The following KIRREL2 variants were observed in gnomAD, a reference collection of about 807,000 sequenced individuals.
KIRREL2 encodes the protein kin of IRRE-like protein 2.
A neutral mutation model predicts 73.4 loss-of-function variants in KIRREL2; 56 were observed. That is an observed-to-expected ratio of 0.76 (90% CI 0.62 to 0.95). The LOEUF is 0.95. KIRREL2 is among the 40% of genes least tolerant of loss of function. The pLI is 0.00. For missense variants in KIRREL2, 896 were observed against 935.0 expected (o/e 0.96, Z 0.54); for synonymous variants, 407 against 404.0 (o/e 1.01, Z -0.09).
In KIRREL2 at chr19:35,858,602, C is replaced by T. The variant is rs1249548318; in HGVS notation, c.361+45C>T. The T allele has an allele frequency of 1.9e-6, 3 of 1,611,818 alleles. No individual in the cohort carries two copies. In the African/African-American group the frequency reaches 4.0e-5, roughly 22 times the overall value. Reference sequence around the variant, plus strand: ...GTCCCCTGGGAGCCCAAGAGGGCAGCCCGTACTAGCTGTGAGTAGCAGAGC... The same window carrying T: ...GTCCCCTGGGAGCCCAAGAGGGCAGTCCGTACTAGCTGTGAGTAGCAGAGC... On this transcript the variant is annotated intron_variant, in intron 3 of 14. Coordinates refer to ENST00000360202, the MANE Select transcript of KIRREL2 (RefSeq NM_199180.4).
chr19:35,857,352 G>T lies in KIRREL2; in HGVS notation c.69G>T (p.Ser23=). 6.2e-7 allele frequency: 1 copy of T among 1,612,494 alleles called. No individual in the cohort carries two copies. The highest frequency in any genetic ancestry group is 8.5e-7 in the Non-Finnish European group (1 of 1,180,022). ...TGCCCCGAACTCTCCTAGGCCCGTC[G>T]CCCCATTTCCTGCAACAGCCAGAGG... ...LFCFRGRAGP[S]PHFLQQPEDL... Residue 23 remains serine (S), a synonymous_variant, in exon 2 of 15, where the codon TCG becomes TCT. Transcript: ENST00000360202.
rs1335997487 is a variant in KIRREL2 at position 35,861,623 on chromosome 19, TC to T, written c.1275del (p.Ala426ProfsTer40). 2 of 1,613,284 alleles carry T rather than the reference TC, an allele frequency of 1.2e-6. No individual in the cohort carries two copies. The highest frequency in any genetic ancestry group is 1.7e-6 in the Non-Finnish European group (2 of 1,179,690). On this transcript the variant is annotated frameshift_variant, in exon 10 of 15. Coordinates refer to ENST00000360202, the MANE Select transcript of KIRREL2 (RefSeq NM_199180.4). LOFTEE classifies it high-confidence loss of function. The stretch of plus-strand genomic sequence containing the variant: ...GCCTCCAGTGTCTGGTTTTCGCCTC[TC>T]CCGCCCCAGATGCCGTGGTAAGGAA... The part of the protein sequence containing the change: ...ARLQCLVFAS[P>X]APDAVVWSWD...
intron 13 of KIRREL2, 38 bp downstream of exon 13, chr19:35,863,074 A>G: frequency 8.5e-7 from 1 of 1,172,040 alleles, no homozygotes; most frequent in Non-Finnish European, 1.2e-6. Flanking sequence ...CTGTGCCTCC[A>G]GACCTAAATA....
At position 35,862,431 on chromosome 19, in the gene KIRREL2, C is replaced by T. The variant is rs940902258; in HGVS notation, c.1511-62C>T. On this transcript the variant is annotated intron_variant, in intron 11 of 14. Transcript: ENST00000360202. ...AACCCAGGAATCCCAAACTCAATCC[C>T]TGAGCCCCCGCTTCCTGGTTCCCCC... 2.4e-6 allele frequency: 3 copies of T among 1,258,576 alleles called. No individual in the cohort carries two copies. The African/African-American group carries it at 4.4e-5, about 18-fold the overall frequency. 78.0% of individuals were successfully genotyped at this position (1,258,576 alleles called of 1,614,324 possible). A position where few individuals can be genotyped will look rare whatever the true frequency, so the allele number is the denominator to read the frequency against.
chr19:35,863,219 G>A (rs1973789715), intron 13 of KIRREL2, among the ~76,000 whole-genome samples, 183 bp downstream of exon 13: 1 of 152,142 alleles, frequency 6.6e-6, no homozygotes, highest in Non-Finnish European at 1.5e-5. Flanking sequence ...AGCCAGCCTG[G>A]ACAGCATAGC....
chr19:35,854,757 C>T (rs1973368009), upstream of KIRREL2, among the ~76,000 whole-genome samples: 1 of 137,406 alleles, frequency 7.3e-6, no homozygotes, highest in Non-Finnish European at 1.6e-5. Flanking sequence ...TTCTCTGTCT[C>T]TGTTCTCACC....
At position 35,866,433 on chromosome 19, in the gene KIRREL2, C is replaced by G. The variant is rs769239424; in HGVS notation, c.2068C>G (p.Pro690Ala). Residue 690 changes from proline (P) to alanine (A), a missense_variant, in exon 15 of 15, where the codon CCC becomes GCC. Pro to Ala is a conservative substitution (Grantham distance 27). Coordinates refer to ENST00000360202, the MANE Select transcript of KIRREL2 (RefSeq NM_199180.4). Reference protein sequence around the residue: ...GPPDLAPGTPPFPYAAFPTPS... With the variant: ...GPPDLAPGTPAFPYAAFPTPS... ...CCCAGATCTGGCCCCCGGGACTCCC[C>G]CCTTCCCATATGCTGCCTTCCCCAC... The G allele has an allele frequency of 2.5e-6, 4 of 1,606,694 alleles. No homozygotes were observed. The highest frequency in any genetic ancestry group is 1.7e-6 in the Non-Finnish European group (2 of 1,173,274).
At position 35,861,626 on chromosome 19, in the gene KIRREL2, C is replaced by T. The variant is rs188453521; in HGVS notation, c.1275C>T (p.Pro425=). Residue 425 remains proline (P), a synonymous_variant, in exon 10 of 15, where the codon CCC becomes CCT. Coordinates refer to ENST00000360202, the MANE Select transcript of KIRREL2 (RefSeq NM_199180.4). The part of the protein sequence containing the change: ...ARLQCLVFAS[P]APDAVVWSWD... ...TCCAGTGTCTGGTTTTCGCCTCTCC[C>T]GCCCCAGATGCCGTGGTAAGGAAAT... is the stretch of plus-strand genomic sequence containing the variant. 314 of 1,613,252 alleles carry T rather than the reference C, an allele frequency of 1.9e-4. 2 individuals carry two copies. The East Asian group carries it at 5.9e-3, about 30-fold the overall frequency.
At chr19:35,852,304 GTCTC>G (rs139954720), upstream of KIRREL2, among the ~76,000 whole-genome samples, 66 of 145,128 alleles carry the variant, frequency 4.5e-4, 1 homozygote, top group African/African-American at 1.3e-3. Context: ...CTCTCTCTCT[GTCTC>G]TCTCTCTCTC....
In KIRREL2 at chr19:35,864,644, C is replaced by G; in HGVS notation, c.1726-4C>G. 1 of 1,612,056 alleles carries G rather than the reference C, an allele frequency of 6.2e-7. No homozygotes were observed. The highest frequency in any genetic ancestry group is 1.1e-5 in the South Asian group (1 of 91,036). On this transcript the variant is annotated splice_polypyrimidine_tract_variant and splice_region_variant and intron_variant, in intron 13 of 14. Coordinates refer to ENST00000360202, the MANE Select transcript of KIRREL2 (RefSeq NM_199180.4). ...ATTCCCTCTCACTAAGTTCCCTACC[C>G]CAGGGCCCCATTGTGCACACTGACC...
At chr19:35,860,754 G>T in intron 7 of KIRREL2, 87 bp downstream of exon 7, 1 of 1,584,392 alleles carries the variant, frequency 6.3e-7, no homozygotes. Flanking sequence ...GGGCGGGGCC[G>T]GGAGAGCGAG....
chr19:35,866,180 G>A lies in KIRREL2; in HGVS notation c.1815G>A (p.Lys605=). The A allele has an allele frequency of 1.2e-6, 2 of 1,611,018 alleles. No homozygotes were observed. Among genetic ancestry groups the A allele is most frequent in the Non-Finnish European group, 1.7e-6 (2 of 1,179,212 alleles). Residue 605 remains lysine, a synonymous_variant, in exon 15 of 15, where the codon AAG becomes AAA. Transcript: ENST00000360202. ...AGGACCCAACCAACGGTTACTACAA[G>A]GTCCGAGGAGTCAGTGTGAGCCTGA... is the stretch of plus-strand genomic sequence containing the variant. ...ETKDPTNGYY[K]VRGVSVSLSL...
At chr19:35,853,837 ATTTTTTTT>A (rs759219505), upstream of KIRREL2, among the ~76,000 whole-genome samples, 1 of 69,438 alleles carries the variant, frequency 1.4e-5, no homozygotes, top group East Asian at 4.1e-4. Context: ...CACTCTGGCT[ATTTTTTTT>A]TTTTTTTTTT....
At chr19:35,858,146 C>A (rs550599144) in intron 2 of KIRREL2, among the ~76,000 whole-genome samples, 1 of 152,310 alleles carries the variant, frequency 6.6e-6, no homozygotes, top group East Asian at 1.9e-4. Context: ...AGCCCCCTCC[C>A]CCTCACTCCA....
chr19:35,864,537 C>A, intron 13 of KIRREL2, 111 bp from the exon 14 acceptor site: 2 of 794,986 alleles, frequency 2.5e-6, no homozygotes, highest in South Asian at 1.6e-5. Context: ...CTCTTGGGTG[C>A]TCTTACTCCC....
intron 2 of KIRREL2, 81 bp from the exon 3 acceptor site, chr19:35,858,327 G>C (rs1232387435): frequency 1.3e-6 from 2 of 1,523,266 alleles, no homozygotes; most frequent in Non-Finnish European, 1.8e-6. Context: ...CCAGTTTTCT[G>C]GTGGAGGATG....
At chr19:35,856,247 G>A (rs758901836), upstream of KIRREL2, among the ~76,000 whole-genome samples, 8 of 152,180 alleles carry the variant, frequency 5.3e-5, no homozygotes, top group Non-Finnish European at 1.2e-4. This position sits in a 1 kb window ranked among gnomAD's most constrained non-coding sequence, Gnocchi z 5.9. Context: ...CGGCACCGCC[G>A]CCTCCCAGCC....
intron 2 of KIRREL2, 51 bp downstream of exon 2, chr19:35,857,545 T>C: frequency 6.8e-7 from 1 of 1,477,204 alleles, no homozygotes; most frequent in Non-Finnish European, 9.0e-7. Context: ...GGAGAGTTGC[T>C]GGGCTCGGCT....
chr19:35,864,791 C>A, intron 14 of KIRREL2, 78 bp downstream of exon 14: 1 of 1,096,000 alleles, frequency 9.1e-7, no homozygotes, highest in South Asian at 1.3e-5. Flanking sequence ...CGTCTCTCTC[C>A]CACGCCTGTC....
Sources: allele counts gnomAD v4.1 joint callset (sites outside exome capture counted in the v4.1 genomes callset), GRCh38; gene constraint gnomAD v4.1.1; non-coding constraint Gnocchi (gnomAD v3.1); transcripts MANE v1.5; gene names NCBI Gene and HGNC (gene_info 2026-07-23, HGNC 2026-07-21).